The following ANO6 variants were observed in gnomAD, a reference collection of about 807,000 sequenced individuals.
The protein encoded by ANO6 is anoctamin 6, also known as anoctamin-6.
In ANO6, 106 loss-of-function variants were observed where a neutral mutation model predicts 117.5. That is an observed-to-expected ratio of 0.90 (90% CI 0.77 to 1.06). ANO6 has a LOEUF of 1.06. Ranked by LOEUF, ANO6 falls within the 50% of genes least tolerant of loss-of-function variation. The pLI is 0.00. For missense variants in ANO6, 955 were observed against 1,121.1 expected (o/e 0.85, Z 2.12); for synonymous variants, 367 against 385.1 (o/e 0.95, Z 0.55).
At chr12:45,292,635 C>G in intron 1 of ANO6, 4 of 1,151,930 alleles carry the variant, frequency 3.5e-6, no homozygotes, top group Non-Finnish European at 4.3e-6. Context: ...TCCAGCTCTT[C>G]CAAAGGACGC....
chr12:45,322,858 A>G (rs529224671), intron 2 of ANO6, among the ~76,000 whole-genome samples: 2 of 152,282 alleles, frequency 1.3e-5, no homozygotes, highest in South Asian at 2.1e-4. Flanking sequence ...GCTTTTATAT[A>G]TGGTCCCACA....
At chr12:45,386,247 G>T (rs770218237) in intron 10 of ANO6, among the ~76,000 whole-genome samples, 9 of 151,984 alleles carry the variant, frequency 5.9e-5, no homozygotes, top group Non-Finnish European at 8.8e-5. Flanking sequence ...TTCTCTCATG[G>T]CCCCAATTGC....
At chr12:45,317,670 A>C (rs1364522076) in intron 2 of ANO6, among the ~76,000 whole-genome samples, 1 of 152,008 alleles carries the variant, frequency 6.6e-6, no homozygotes, top group Non-Finnish European at 1.5e-5. Flanking sequence ...TGGTATTTCT[A>C]GTTCTAGATC....
intron 1 of ANO6, among the ~76,000 whole-genome samples, chr12:45,297,689 T>G (rs1412266357): frequency 6.6e-6 from 1 of 152,184 alleles, no homozygotes; most frequent in Non-Finnish European, 1.5e-5. Context: ...TTGCTTCAAT[T>G]TCACTATACT....
rs748541468 is a variant in ANO6 at position 45,367,778 on chromosome 12, T to C, written c.1089T>C (p.Thr363=). The part of the protein sequence containing the change: ...RLCPFWKLNI[T]CESSKKLCIF... ...GTCCATTCTGGAAACTCAATATTAC[T>C]TGCGAGTCCTCAAAGGTAATTTTTG... Residue 363 remains threonine (T), a synonymous_variant, in exon 9 of 20, where the codon ACT becomes ACC. Transcript: ENST00000320560. The C allele has an allele frequency of 6.2e-7, 1 of 1,613,444 alleles. No homozygotes were observed. The highest frequency in any genetic ancestry group is 1.7e-5 in the Admixed American group (1 of 60,022).
At chr12:45,396,545 G>A (rs1467769060) in intron 12 of ANO6, among the ~76,000 whole-genome samples, 2 of 152,114 alleles carry the variant, frequency 1.3e-5, no homozygotes, top group South Asian at 2.1e-4. Context: ...TAAGCAAAAA[G>A]AAAAAAGCTG....
chr12:45,396,550 A>C (rs1378467098), intron 12 of ANO6, among the ~76,000 whole-genome samples: 1 of 152,214 alleles, frequency 6.6e-6, no homozygotes, highest in Admixed American at 6.5e-5. Context: ...AAAAAGAAAA[A>C]AGCTGGATGC....
intron 10 of ANO6, among the ~76,000 whole-genome samples, chr12:45,383,875 A>G (rs542008135): frequency 1.4e-4 from 21 of 152,346 alleles, no homozygotes; most frequent in African/African-American, 4.8e-4. Flanking sequence ...TGAAGTCACC[A>G]GCTGCATTAG....
chr12:45,397,014 A>G (rs1437172994), intron 12 of ANO6, among the ~76,000 whole-genome samples: 3 of 152,210 alleles, frequency 2.0e-5, no homozygotes, highest in Non-Finnish European at 4.4e-5. Context: ...TAAACTAAAG[A>G]GCTTCTGCAC....
At position 45,276,753 on chromosome 12, in the gene ANO6, G is replaced by A. The variant is rs537358060; in HGVS notation, c.71-25261G>A. Among the ~76,000 whole-genome samples the A allele has an allele frequency of 6.6e-5, 10 of 152,212 alleles. 1 individual carries two copies. In the South Asian group the frequency reaches 1.9e-3, roughly 28 times the overall value. On this transcript the variant is annotated intron_variant, in intron 1 of 19. Transcript: ENST00000320560. ...CTGTTTTATCTTCTGCATCTAGCACGTGCCTGGCATATAGTAGGTGCCAGA... is the reference window on the plus strand; with the variant it reads ...CTGTTTTATCTTCTGCATCTAGCACATGCCTGGCATATAGTAGGTGCCAGA...
intron 1 of ANO6, among the ~76,000 whole-genome samples, chr12:45,282,515 T>C (rs1012177605): frequency 6.6e-6 from 1 of 152,146 alleles, no homozygotes; most frequent in East Asian, 1.9e-4. Context: ...TCAAAGCTCA[T>C]TGAGATGTCA....
At chr12:45,240,587 G>A (rs1038639902) in intron 1 of ANO6, among the ~76,000 whole-genome samples, 5 of 151,714 alleles carry the variant, frequency 3.3e-5, no homozygotes, top group African/African-American at 7.3e-5. Context: ...ATTTGATCCC[G>A]TCATTATGAT....
intron 1 of ANO6, among the ~76,000 whole-genome samples, chr12:45,225,011 T>C (rs35660715): frequency 0.18 from 27,091 of 151,972 alleles, 3,878 homozygotes; most frequent in African/African-American, 0.38. Context: ...GGAAACATAC[T>C]AAGACCCAAT....
intron 17 of ANO6, among the ~76,000 whole-genome samples, chr12:45,420,185 T>C (rs1347490147): frequency 2.0e-5 from 3 of 152,032 alleles, no homozygotes; most frequent in African/African-American, 4.8e-5. Context: ...CATAATACTA[T>C]ACAGGAAAAA....
intron 3 of ANO6, among the ~76,000 whole-genome samples, chr12:45,339,288 G>A (rs1940912848): frequency 6.6e-6 from 1 of 152,068 alleles, no homozygotes; most frequent in Admixed American, 6.6e-5. Flanking sequence ...GTACTTCCAG[G>A]GGAGAGGTTC....
chr12:45,279,825 CAG>C (rs1229262888), intron 1 of ANO6, among the ~76,000 whole-genome samples: 1 of 152,202 alleles, frequency 6.6e-6, no homozygotes, highest in Non-Finnish European at 1.5e-5. Flanking sequence ...GAATAGGAAA[CAG>C]AGTTGTGGCA....
intron 1 of ANO6, among the ~76,000 whole-genome samples, chr12:45,247,162 G>A (rs965130962): frequency 6.6e-6 from 1 of 152,146 alleles, no homozygotes; most frequent in African/African-American, 2.4e-5. Context: ...CTGACTTCAA[G>A]TGATCTGCCC....
intron 2 of ANO6, among the ~76,000 whole-genome samples, chr12:45,327,791 A>G (rs1276379272): frequency 6.6e-6 from 1 of 152,028 alleles, no homozygotes; most frequent in Non-Finnish European, 1.5e-5. Context: ...TTCTGTATAC[A>G]TTTTTGGATC....
At position 45,430,432 on chromosome 12, in the gene ANO6, T is replaced by A. The variant is rs1363086039; in HGVS notation, c.*1121T>A. 1.0e-6 allele frequency: 1 copy of A among 985,292 alleles called. No individual in the cohort carries two copies. Among genetic ancestry groups the A allele is most frequent in the Non-Finnish European group, 1.2e-6 (1 of 829,942 alleles). The allele number at this position is 985,292 out of a possible 1,614,324, so 61.0% of individuals were successfully genotyped here. ...CTGCAGGAATTGGCTTATTTCTGTA[T>A]GCCAAAGTGATCAACACACCAAAGT... On this transcript the variant is annotated 3_prime_UTR_variant, in exon 20 of 20. Coordinates refer to ENST00000320560, the MANE Select transcript of ANO6 (RefSeq NM_001025356.3).
Sources: allele counts gnomAD v4.1 joint callset (sites outside exome capture counted in the v4.1 genomes callset), GRCh38; gene constraint gnomAD v4.1.1; transcripts MANE v1.5; gene names NCBI Gene and HGNC (gene_info 2026-07-23, HGNC 2026-07-21).